Variants in SLC10A4 observed in about 807,000 individuals in gnomAD.
The protein encoded by SLC10A4 is solute carrier family 10 member 4, also known as putative sodium/bile acid cotransporter 4.
Under a neutral mutation model 22.5 loss-of-function variants are expected in SLC10A4, and 17 were observed. The ratio of observed to expected loss-of-function variants is 0.76; its 90% CI spans 0.52 to 1.14. The LOEUF is 1.14. SLC10A4 is among the 50% of genes most tolerant of loss of function. The pLI, the probability that SLC10A4 is intolerant of heterozygous loss-of-function variation, is 0.00. For missense variants in SLC10A4, 548 were observed against 584.0 expected (o/e 0.94, Z 0.64); for synonymous variants, 257 against 258.2 (o/e 1.00, Z 0.04).
At position 48,483,482 on chromosome 4, in the gene SLC10A4, C is replaced by CGGGCGGCGACTGCGGCGACCGCG. The variant is rs1265964410; in HGVS notation, c.-77_-55dup. The CGGGCGGCGACTGCGGCGACCGCG allele has an allele frequency of 1.7e-6, 2 of 1,208,304 alleles. No individual in the cohort carries two copies. Among genetic ancestry groups the CGGGCGGCGACTGCGGCGACCGCG allele is most frequent in the Admixed American group, 3.1e-5 (1 of 32,240 alleles). The allele number at this position is 1,208,304 out of a possible 1,614,324, so 74.8% of individuals were successfully genotyped here. On this transcript the variant is annotated 5_prime_UTR_variant, in exon 1 of 3. Transcript: ENST00000273861. This position sits in a 1 kb window ranked among gnomAD's most constrained non-coding sequence, Gnocchi z 5.4. ...GCTCGGAGACCGACGGGCAGAACGA[C>CGGGCGGCGACTGCGGCGACCGCG]GGGCGGCGACTGCGGCGACCGCGGG...
At position 48,488,678 on chromosome 4, in the gene SLC10A4, C is replaced by T; in HGVS notation, c.1053C>T (p.Ala351=). The change falls in exon 3 of 3, where the codon GCC becomes GCT. Residue 351 remains alanine (A), a synonymous_variant. Coordinates refer to ENST00000273861, the MANE Select transcript of SLC10A4 (RefSeq NM_152679.4). The part of the protein sequence containing the change: ...VQLCTAILKL[A]FPPQFIGSMY... ...TCTGTACAGCCATTCTAAAACTGGC[C>T]TTTCCACCGCAATTCATAGGAAGCA... 6.2e-7 allele frequency: 1 copy of T among 1,614,014 alleles called. No individual in the cohort carries two copies. The highest frequency in any genetic ancestry group is 1.3e-5 in the African/African-American group (1 of 75,044).
Position 48,483,751 on chromosome 4 carries a change from C to G in SLC10A4, c.190C>G (p.Pro64Ala), listed in dbSNP as rs1718224738. 1.4e-6 allele frequency: 2 copies of G among 1,472,922 alleles called. No individual in the cohort carries two copies. The highest frequency in any genetic ancestry group is 2.2e-4 in the Middle Eastern group (1 of 4,598). The allele number at this position is 1,472,922 out of a possible 1,614,324, so 91.2% of individuals were successfully genotyped here. ...PSFGFSPGPT[P>A]TPEPTTSGLA... ...CTTCGGCTTCAGCCCCGGCCCCACT[C>G]CGACCCCGGAGCCCACGACCAGCGG... The change falls in exon 1 of 3, where the codon CCG becomes GCG. Residue 64 changes from proline (P) to alanine (A), a missense_variant. Physicochemically the swap from Pro to Ala is conservative, Grantham distance 27. Coordinates refer to ENST00000273861, the MANE Select transcript of SLC10A4 (RefSeq NM_152679.4). This position sits in a 1 kb window ranked among gnomAD's most constrained non-coding sequence, Gnocchi z 5.4.
In SLC10A4 at chr4:48,488,448, G is replaced by A. The variant is rs1419492654; in HGVS notation, c.823G>A (p.Val275Met). The A allele has an allele frequency of 6.2e-7, 1 of 1,607,638 alleles. No individual in the cohort carries two copies. The highest frequency in any genetic ancestry group is 2.2e-5 in the East Asian group (1 of 44,758). ...IVKVSLWSLL[V>M]TLVVLFIMTG... ...CTAGGTTTCCCTGTGGTCTCTGCTA[G>A]TGACTCTGGTGGTCCTTTTCATAAT... The change falls in exon 3 of 3, where the codon GTG (valine) becomes ATG (methionine). Residue 275 changes from valine (V) to methionine (M), a missense_variant. By Grantham distance (21) the Val-to-Met change is conservative (BLOSUM62 1). Coordinates refer to ENST00000273861, the MANE Select transcript of SLC10A4 (RefSeq NM_152679.4).
Position 48,489,019 on chromosome 4 carries a change from A to G in SLC10A4, c.*80A>G. On this transcript the variant is annotated 3_prime_UTR_variant, in exon 3 of 3. Coordinates refer to ENST00000273861, the MANE Select transcript of SLC10A4 (RefSeq NM_152679.4). ...GCCTGTGGTAGTGCACATGGTTAAC[A>G]TAAAAGATAACACTGGTTCACATCA... 2 of 1,449,176 alleles carry G rather than the reference A, an allele frequency of 1.4e-6. No individual in the cohort carries two copies. Among genetic ancestry groups the G allele is most frequent in the Non-Finnish European group, 1.9e-6 (2 of 1,076,942 alleles). 89.8% of individuals were successfully genotyped at this position (1,449,176 alleles called of 1,614,324 possible).
Position 48,483,545 on chromosome 4 carries a change from G to A in SLC10A4, c.-17G>A, listed in dbSNP as rs747147828. ...ACGCGGCGGGAGGGGACCGGAATCC[G>A]CAGCTCCGGCCGCGCCATGGACGGC... On this transcript the variant is annotated 5_prime_UTR_variant, in exon 1 of 3. Transcript: ENST00000273861. The surrounding 1 kb of genome is among the most constrained non-coding windows in gnomAD (Gnocchi z 5.4). 2.0e-6 allele frequency: 3 copies of A among 1,489,474 alleles called. No homozygotes were observed. Among genetic ancestry groups the A allele is most frequent in the Non-Finnish European group, 2.7e-6 (3 of 1,124,022 alleles). The allele number at this position is 1,489,474 out of a possible 1,614,324, so 92.3% of individuals were successfully genotyped here. A position where few individuals can be genotyped will look rare whatever the true frequency, so the allele number is the denominator to read the frequency against.
chr4:48,488,857 A>G lies in SLC10A4; in HGVS notation c.1232A>G (p.Glu411Gly), dbSNP rs1317820024. 1.2e-6 allele frequency: 2 copies of G among 1,613,790 alleles called. No homozygotes were observed. Among genetic ancestry groups the G allele is most frequent in the African/African-American group, 2.7e-5 (2 of 75,034 alleles). Residue 411 changes from glutamate (E) to glycine (G), a missense_variant, in exon 3 of 3, where the codon GAA (glutamate) becomes GGA (glycine). Transcript: ENST00000273861. ...GATATTTCTTATAAAAAACTAAAAG[A>G]AGAGGAAATGGCAGACACTTCCTAT... ...DTDISYKKLK[E>G]EEMADTSYGT...
intron 2 of SLC10A4, among the ~76,000 whole-genome samples, chr4:48,485,381 C>G (rs1165322774): frequency 4.6e-5 from 7 of 152,100 alleles, no homozygotes; most frequent in Non-Finnish European, 1.0e-4. Flanking sequence ...AGAGAACTAT[C>G]AGTACTCATT....
chr4:48,489,181 T>A lies in SLC10A4; in HGVS notation c.*242T>A, dbSNP rs1718343248. ...AGCCTGAATTAAATGTGGTTTTTAGTTTTTACCATCACCAATTTCTATGAC... is the reference window on the plus strand; with the variant it reads ...AGCCTGAATTAAATGTGGTTTTTAGATTTTACCATCACCAATTTCTATGAC... On this transcript the variant is annotated 3_prime_UTR_variant, in exon 3 of 3. Coordinates refer to ENST00000273861, the MANE Select transcript of SLC10A4 (RefSeq NM_152679.4). 2.6e-6 allele frequency: 1 copy of A among 389,178 alleles called. No homozygotes were observed. The allele number at this position is 389,178 out of a possible 1,614,324, so 24.1% of individuals were successfully genotyped here.
Position 48,488,954 on chromosome 4 carries a change from A to G in SLC10A4, c.*15A>G. ...CTTCTCTCTAAATGTGGAGATACAC[A>G]GGAGCTTCTATCTTGCTGAAATATT... On this transcript the variant is annotated 3_prime_UTR_variant, in exon 3 of 3. Coordinates refer to ENST00000273861, the MANE Select transcript of SLC10A4 (RefSeq NM_152679.4). 1 of 1,559,358 alleles carries G rather than the reference A, an allele frequency of 6.4e-7. No homozygotes were observed. The highest frequency in any genetic ancestry group is 8.6e-7 in the Non-Finnish European group (1 of 1,160,120).
At position 48,483,962 on chromosome 4, in the gene SLC10A4, G is replaced by C. The variant is rs368882632; in HGVS notation, c.401G>C (p.Arg134Pro). The change falls in exon 1 of 3, where the codon CGT becomes CCT. Residue 134 changes from arginine to proline, a missense_variant. By Grantham distance (103) the Arg-to-Pro change is moderately radical. Coordinates refer to ENST00000273861, the MANE Select transcript of SLC10A4 (RefSeq NM_152679.4). This position sits in a 1 kb window ranked among gnomAD's most constrained non-coding sequence, Gnocchi z 5.4. ...GTGAACCACTTCGGGGCGCACGTCC[G>C]TCGGCCCGTGGGCGCGCTGCTGGCA... Reference protein sequence around the residue: ...VDVNHFGAHVRRPVGALLAAL... With the variant: ...VDVNHFGAHVPRPVGALLAAL... 2 of 1,547,828 alleles carry C rather than the reference G, an allele frequency of 1.3e-6. No individual in the cohort carries two copies. The highest frequency in any genetic ancestry group is 1.7e-6 in the Non-Finnish European group (2 of 1,148,340).
Position 48,485,104 on chromosome 4 carries a change from C to A in SLC10A4, c.763C>A (p.Arg255Ser). ...LIPIGLGVFI[R>S]YKYSRVADYI... ...ACCTATCGGGTTGGGCGTCTTCATT[C>A]GCTACAAATACAGCCGGGTGGCTGA... Residue 255 changes from arginine (R) to serine (S), a missense_variant, in exon 2 of 3, where the codon CGC (arginine) becomes AGC (serine). Arg to Ser is a moderately radical substitution (Grantham distance 110). This residue lies in a region of SLC10A4 where 314 missense variants were observed against 353.2 expected (regional missense o/e 0.89). Transcript: ENST00000273861. The A allele has an allele frequency of 2.5e-6, 4 of 1,614,120 alleles. No individual in the cohort carries two copies. Among genetic ancestry groups the A allele is most frequent in the Non-Finnish European group, 3.4e-6 (4 of 1,180,026 alleles).
intron 2 of SLC10A4, 121 bp downstream of exon 2, chr4:48,485,263 A>G: frequency 3.1e-6 from 3 of 972,344 alleles, no homozygotes; most frequent in Non-Finnish European, 4.6e-6. Context: ...AAGTAGTTGC[A>G]TGGATAAAAT....
intron 2 of SLC10A4, among the ~76,000 whole-genome samples, chr4:48,487,351 AAG>A (rs1718299714): frequency 1.3e-5 from 2 of 152,232 alleles, no homozygotes; most frequent in African/African-American, 2.4e-5. Context: ...TACATAATCT[AAG>A]AGTAGGTAAT....
chr4:48,484,208 C>T, intron 1 of SLC10A4, 57 bp downstream of exon 1: 1 of 1,469,082 alleles, frequency 6.8e-7, no homozygotes, highest in Non-Finnish European at 9.1e-7. Context: ...CGTTTACGGC[C>T]GTGGGCTCAC....
At position 48,488,985 on chromosome 4, in the gene SLC10A4, A is replaced by G; in HGVS notation, c.*46A>G. 1.3e-6 allele frequency: 2 copies of G among 1,532,814 alleles called. No homozygotes were observed. The highest frequency in any genetic ancestry group is 2.7e-5 in the South Asian group (2 of 75,246). 95.0% of individuals were successfully genotyped at this position (1,532,814 alleles called of 1,614,324 possible). A position where few individuals can be genotyped will look rare whatever the true frequency, so the allele number is the denominator to read the frequency against. On this transcript the variant is annotated 3_prime_UTR_variant, in exon 3 of 3. Transcript: ENST00000273861. ...TTCTATCTTGCTGAAATATTGCTTC[A>G]TATTTATAGCCTGTGGTAGTGCACA...
chr4:48,484,150 A>G lies in SLC10A4; in HGVS notation c.589A>G (p.Ser197Gly), dbSNP rs1354903545. ...GCTGGTTGACGGCGACATGAACCTC[A>G]GGTACGGATCTGTCTATTCCTTGGG... ...SLLVDGDMNL[S>G]IIMTISSTLL... The change falls in exon 1 of 3, where the codon AGC (serine) becomes GGC (glycine). Residue 197 changes from serine (S) to glycine (G), a missense_variant and splice_region_variant. Ser to Gly is a moderately conservative substitution (Grantham distance 56, BLOSUM62 0). Transcript: ENST00000273861. 1 of 1,570,488 alleles carries G rather than the reference A, an allele frequency of 6.4e-7. No individual in the cohort carries two copies. Among genetic ancestry groups the G allele is most frequent in the Non-Finnish European group, 8.7e-7 (1 of 1,155,660 alleles).
chr4:48,486,683 C>G (rs1046211770), intron 2 of SLC10A4, among the ~76,000 whole-genome samples: 26 of 152,064 alleles, frequency 1.7e-4, no homozygotes, highest in African/African-American at 6.0e-4. Flanking sequence ...AATGCTTGCC[C>G]AAATGATTTA....
At chr4:48,487,358 G>C (rs1192658832) in intron 2 of SLC10A4, among the ~76,000 whole-genome samples, 2 of 152,164 alleles carry the variant, frequency 1.3e-5, no homozygotes, top group Non-Finnish European at 2.9e-5. Context: ...TCTAAGAGTA[G>C]GTAATTGTTT....
chr4:48,488,850 C>G lies in SLC10A4; in HGVS notation c.1225C>G (p.Leu409Val). ...DEDTDISYKK[L>V]KEEEMADTSY... ...AGATACAGATATTTCTTATAAAAAA[C>G]TAAAAGAAGAGGAAATGGCAGACAC... The change falls in exon 3 of 3, where the codon CTA (leucine) becomes GTA (valine). Residue 409 changes from leucine to valine, a missense_variant. Physicochemically the swap from Leu to Val is conservative, Grantham distance 32. Transcript: ENST00000273861. 1 of 1,613,738 alleles carries G rather than the reference C, an allele frequency of 6.2e-7. No homozygotes were observed.
Sources: gnomAD v4.1 joint callset for allele counts (sites outside exome capture counted in the v4.1 genomes callset) on GRCh38, gnomAD v4.1.1 for gene constraint, gnomAD v4.1.1 regional missense constraint, Gnocchi (gnomAD v3.1) non-coding constraint, MANE v1.5 for transcripts, NCBI Gene and HGNC (gene_info 2026-07-23, HGNC 2026-07-21) for gene names.